ASPA: variants seen among roughly 807,000 people sequenced by gnomAD.
ASPA encodes the protein aspartoacylase, also known as ACY-2.
In ASPA, 25 loss-of-function variants were observed where a neutral mutation model predicts 29.6. That is an observed-to-expected ratio of 0.85 (90% CI 0.62 to 1.18). The LOEUF (loss-of-function observed/expected upper bound fraction) is 1.18, where lower values mean the gene tolerates loss of function less well. Among genes scored for constraint, ASPA ranks in the 50% most tolerant of loss-of-function variants. The probability of loss-of-function intolerance (pLI) is 0.00; values close to 1 mark genes in which losing one functional copy is unlikely to be tolerated. For synonymous variants in ASPA, 131 were observed against 130.3 expected (o/e 1.01, Z -0.04); for missense variants, 333 against 385.7 (o/e 0.86, Z 1.14).
At position 3,502,155 on chromosome 17, in the gene ASPA, C is replaced by T. The variant is rs2073998481; in HGVS notation, c.*3067C>T. 3.9e-5 allele frequency: 6 copies of T among 152,230 alleles called. No individual in the cohort carries two copies. Among genetic ancestry groups the T allele is most frequent in the Admixed American group, 3.9e-4 (6 of 15,286 alleles). 9.4% of individuals were successfully genotyped at this position (152,230 alleles called of 1,614,324 possible). On this transcript the variant is annotated 3_prime_UTR_variant, in exon 6 of 6. Coordinates refer to ENST00000263080, the MANE Select transcript of ASPA (RefSeq NM_000049.4). ...AGGCAGCCATCATCAAGGCAAGGCC[C>T]TCCACCAGCAAAAAGATCATGAATT...
Position 3,501,029 on chromosome 17 carries a change from C to T in ASPA, c.*1941C>T, listed in dbSNP as rs12946429. ...ACCCAAGAGCTCTGCTGGAGATGTG[C>T]GAAGAGATTAGCATTGTTTTCGCGC... On this transcript the variant is annotated 3_prime_UTR_variant, in exon 6 of 6. Coordinates refer to ENST00000263080, the MANE Select transcript of ASPA (RefSeq NM_000049.4). 27,393 of 151,906 alleles carry T rather than the reference C, an allele frequency of 0.18. 2,712 individuals are homozygous for T. The highest frequency in any genetic ancestry group is 0.3 in the Middle Eastern group (89 of 294). The allele number at this position is 151,906 out of a possible 1,614,324, so 9.4% of individuals were successfully genotyped here.
chr17:3,476,347 G>T lies in ASPA; in HGVS notation c.188G>T (p.Arg63Ile). Residue 63 changes from arginine to isoleucine, a missense_variant, in exon 1 of 6, where the codon AGA becomes ATA. Coordinates refer to ENST00000263080, the MANE Select transcript of ASPA (RefSeq NM_000049.4). ...CCCAGAGCAGTGAAGAAGTGTACCA[G>T]ATATATTGACTGTGACCTGAATCGC... ...TNPRAVKKCT[R>I]YIDCDLNRIF... 3 of 1,614,146 alleles carry T rather than the reference G, an allele frequency of 1.9e-6. No individual in the cohort carries two copies. Among genetic ancestry groups the T allele is most frequent in the Non-Finnish European group, 2.5e-6 (3 of 1,180,034 alleles).
chr17:3,494,305 A>C, intron 4 of ASPA, 45 bp from the exon 5 acceptor site: 4 of 1,444,642 alleles, frequency 2.8e-6, no homozygotes, highest in Non-Finnish European at 3.9e-6. Context: ...CACCCGGCCC[A>C]GAGATGTTTT....
intron 1 of ASPA, among the ~76,000 whole-genome samples, chr17:3,480,948 T>C (rs1403111463): frequency 6.6e-6 from 1 of 152,166 alleles, no homozygotes; most frequent in Admixed American, 6.5e-5. Context: ...AGCAAGACTG[T>C]ATCTCCACAA....
intron 1 of ASPA, among the ~76,000 whole-genome samples, chr17:3,480,446 G>C (rs1409743648): frequency 6.6e-6 from 1 of 152,238 alleles, no homozygotes; most frequent in Non-Finnish European, 1.5e-5. Context: ...AGTTGGAGCT[G>C]TCCTCTTGCG....
At chr17:3,476,931 G>A (rs892917570) in intron 1 of ASPA, among the ~76,000 whole-genome samples, 9 of 152,098 alleles carry the variant, frequency 5.9e-5, no homozygotes, top group African/African-American at 1.7e-4. Flanking sequence ...CGAGGCAGGC[G>A]GATCACGAGG....
intron 1 of ASPA, among the ~76,000 whole-genome samples, chr17:3,480,044 G>A (rs1185119621): frequency 1.4e-5 from 1 of 70,794 alleles, no homozygotes. Context: ...TTTTGGAGAG[G>A]TTAGACTCTG....
rs112782202 is a variant in ASPA, at chr17:3,501,959, A to C, written c.*2871A>C. 0.85 allele frequency: 127,102 copies of C among 149,548 alleles called. 54,518 individuals are homozygous for C. Among genetic ancestry groups the C allele is most frequent in the Non-Finnish European group, 0.91 (61,467 of 67,256 alleles). The allele number at this position is 149,548 out of a possible 1,614,324, so 9.3% of individuals were successfully genotyped here. On this transcript the variant is annotated 3_prime_UTR_variant, in exon 6 of 6. Transcript: ENST00000263080. ...CACAGCAAGCCTCCATCTCAAAAAAAAAAAAAAAAAAAAAATGAGTTCTAC... is the reference window on the plus strand; with the variant it reads ...CACAGCAAGCCTCCATCTCAAAAAACAAAAAAAAAAAAAAATGAGTTCTAC...
intron 5 of ASPA, among the ~76,000 whole-genome samples, chr17:3,495,455 G>T (rs139468370): frequency 1.3e-5 from 2 of 152,338 alleles, no homozygotes; most frequent in African/African-American, 2.4e-5. Context: ...GAATGAAGTG[G>T]CCTGCCCAGT....
chr17:3,474,510 T>C (rs2073493362), upstream of ASPA, among the ~76,000 whole-genome samples: 2 of 152,230 alleles, frequency 1.3e-5, no homozygotes, highest in Non-Finnish European at 2.9e-5. Flanking sequence ...TTACGTGTGT[T>C]TTCATCATCT....
At chr17:3,489,163 C>G in intron 3 of ASPA, 72 bp from the exon 4 acceptor site, 1 of 907,822 alleles carries the variant, frequency 1.1e-6, no homozygotes, top group Non-Finnish European at 1.8e-6. Flanking sequence ...AATCTTGATA[C>G]ATTAAAATGC....
intron 4 of ASPA, 95 bp from the exon 5 acceptor site, chr17:3,494,255 C>T (rs1028111767): frequency 1.5e-5 from 13 of 895,146 alleles, no homozygotes; most frequent in African/African-American, 5.0e-5. Flanking sequence ...CCACCCAACT[C>T]GGCCTCCCAA....
chr17:3,478,385 C>A (rs781600119), intron 1 of ASPA, among the ~76,000 whole-genome samples: 10 of 152,176 alleles, frequency 6.6e-5, no homozygotes, highest in Non-Finnish European at 1.3e-4. Context: ...AATTATACTG[C>A]AGTCATCCTG....
Position 3,490,730 on chromosome 17 carries a change from A to G in ASPA, c.634+1388A>G, listed in dbSNP as rs1398072280. On this transcript the variant is annotated intron_variant, in intron 4 of 5. Coordinates refer to ENST00000263080, the MANE Select transcript of ASPA (RefSeq NM_000049.4). The surrounding 1 kb of genome is among the most constrained non-coding windows in gnomAD (Gnocchi z 4.6). Reference sequence around the variant, plus strand: ...CTCTGAATAGGAAGTGTGGGACTACAATATATTAAGAAGTGATACATTCAG... The same window carrying G: ...CTCTGAATAGGAAGTGTGGGACTACGATATATTAAGAAGTGATACATTCAG... Among the ~76,000 whole-genome samples, 1 of 152,170 alleles carries G rather than the reference A, an allele frequency of 6.6e-6. No homozygotes were observed. The highest frequency in any genetic ancestry group is 1.5e-5 in the Non-Finnish European group (1 of 68,044).
rs1197902707 is a variant in ASPA, at chr17:3,485,933, CCTT to C, written c.526+2342_526+2344del. ...CCAGTGGTTGCATTCTAGGAGGGAA[CCTT>C]TTTTTTTTTTTTTGAGACGGAGTTT... On this transcript the variant is annotated intron_variant, in intron 3 of 5. Transcript: ENST00000263080. This position sits in a 1 kb window ranked among gnomAD's most constrained non-coding sequence, Gnocchi z 4.4. 1.0e-5 allele frequency among the ~76,000 whole-genome samples: 1 copy of C among 96,282 alleles called. No homozygotes were observed. Among genetic ancestry groups the C allele is most frequent in the Non-Finnish European group, 2.5e-5 (1 of 40,640 alleles). 63.2% of individuals were successfully genotyped at this position (96,282 alleles called of 152,430 possible).
rs1429370819 is a variant in ASPA at position 3,502,888 on chromosome 17, G to C, written c.*3800G>C. ...CTTTGGGCTCCAGCTGTTGCCAGCAGAGGTGGTGAAAGTCAACAACAGGGC... is the reference window on the plus strand; with the variant it reads ...CTTTGGGCTCCAGCTGTTGCCAGCACAGGTGGTGAAAGTCAACAACAGGGC... On this transcript the variant is annotated 3_prime_UTR_variant, in exon 6 of 6. Coordinates refer to ENST00000263080, the MANE Select transcript of ASPA (RefSeq NM_000049.4). 1 of 152,274 alleles carries C rather than the reference G, an allele frequency of 6.6e-6. No homozygotes were observed. The allele number at this position is 152,274 out of a possible 1,614,324, so 9.4% of individuals were successfully genotyped here.
At chr17:3,481,546 T>G (rs2073626646) in intron 1 of ASPA, 57 bp from the exon 2 acceptor site, 1 of 1,486,614 alleles carries the variant, frequency 6.7e-7, no homozygotes, top group Admixed American at 1.8e-5. Flanking sequence ...TCTTATTATA[T>G]GTTTATATTA....
At position 3,496,217 on chromosome 17, in the gene ASPA, T is replaced by C. The variant is rs183584884; in HGVS notation, c.744+1758T>C. 1.2e-4 allele frequency among the ~76,000 whole-genome samples: 18 copies of C among 152,326 alleles called. 1 individual carries two copies. Among genetic ancestry groups the C allele is most frequent in the Admixed American group, 1.1e-3 (17 of 15,302 alleles). On this transcript the variant is annotated intron_variant, in intron 5 of 5. Transcript: ENST00000263080. ...TATTTTTGAATGACAACTAAGCTCA[T>C]TCTGGGCCTTGAGATTCAAGATAGG...
At chr17:3,496,406 T>A (rs1427696719) in intron 5 of ASPA, among the ~76,000 whole-genome samples, 1 of 151,824 alleles carries the variant, frequency 6.6e-6, no homozygotes, top group East Asian at 1.9e-4. Context: ...TTAGACGGAG[T>A]GGTCACAAAG....
Sources: gnomAD v4.1 joint callset for allele counts (sites outside exome capture counted in the v4.1 genomes callset) on GRCh38, gnomAD v4.1.1 for gene constraint, Gnocchi (gnomAD v3.1) non-coding constraint, MANE v1.5 for transcripts, NCBI Gene and HGNC (gene_info 2026-07-23, HGNC 2026-07-21) for gene names.